CRTAC1: variants seen among roughly 807,000 people sequenced by gnomAD.
CRTAC1 encodes the protein acidic secreted protein in cartilage.
CRTAC1 carries 37 observed loss-of-function variants against 67.8 expected under a neutral mutation model. The ratio of observed to expected loss-of-function variants is 0.55; its 90% CI spans 0.42 to 0.72. CRTAC1 has a LOEUF of 0.72. Ranked by LOEUF, CRTAC1 falls within the 30% of genes least tolerant of loss-of-function variation. The probability of loss-of-function intolerance (pLI) is 0.00; values close to 1 mark genes in which losing one functional copy is unlikely to be tolerated. For synonymous variants in CRTAC1, 348 were observed against 371.0 expected, an observed-to-expected ratio of 0.94 and a Z score of 0.71; for missense variants, 780 against 931.6, an observed-to-expected ratio of 0.84 and a Z score of 2.12.
At chr10:97,929,126 GGGACACTGA>G (rs1487365625) in intron 3 of CRTAC1, among the ~76,000 whole-genome samples, 1 of 152,054 alleles carries the variant, frequency 6.6e-6, no homozygotes, top group Non-Finnish European at 1.5e-5. Flanking sequence ...GACCCAAGCA[GGGACACTGA>G]GCTTACTGGG....
intron 11 of CRTAC1, among the ~76,000 whole-genome samples, chr10:97,887,666 C>T (rs917355428): frequency 6.6e-6 from 1 of 152,254 alleles, no homozygotes; most frequent in Admixed American, 6.5e-5. Flanking sequence ...TCCTCTGCCA[C>T]TGTGTTTTGC....
intron 2 of CRTAC1, among the ~76,000 whole-genome samples, chr10:97,988,929 T>C (rs2052029085): frequency 6.6e-6 from 1 of 152,220 alleles, no homozygotes; most frequent in African/African-American, 2.4e-5. Flanking sequence ...GAGATCAGCA[T>C]TTGAATCTGT....
At chr10:98,016,136 G>C (rs936474567) in intron 1 of CRTAC1, among the ~76,000 whole-genome samples, 2 of 152,200 alleles carry the variant, frequency 1.3e-5, no homozygotes, top group Admixed American at 1.3e-4. Context: ...GAGGTGAGAA[G>C]GGGAAAGGGT....
In CRTAC1 at chr10:97,970,846, T is replaced by C. The variant is rs562427191; in HGVS notation, c.225-34480A>G. On this transcript the variant is annotated intron_variant, in intron 2 of 14. Transcript: ENST00000370597. Reference sequence around the variant, plus strand: ...GGCAGTGCTACAAGAATGTCAGTGATTGTTTGAATGAATCATTCATCTATA... The same window carrying C: ...GGCAGTGCTACAAGAATGTCAGTGACTGTTTGAATGAATCATTCATCTATA... Among the ~76,000 whole-genome samples the C allele has an allele frequency of 2.1e-4, 32 of 152,336 alleles. 1 individual carries two copies. Among genetic ancestry groups the C allele is most frequent in the Admixed American group, 2.0e-3 (30 of 15,302 alleles).
intron 1 of CRTAC1, among the ~76,000 whole-genome samples, chr10:98,024,739 T>C (rs1456228488): frequency 6.8e-6 from 1 of 147,662 alleles, no homozygotes; most frequent in Non-Finnish European, 1.5e-5. Context: ...AGAATGATTA[T>C]ATTATCCTTT....
rs892827465 is a variant in CRTAC1 at position 97,923,980 on chromosome 10, C to A, written c.422-580G>T. Among the ~76,000 whole-genome samples, 20 of 152,144 alleles carry A rather than the reference C, an allele frequency of 1.3e-4. 1 individual carries two copies. Among genetic ancestry groups the A allele is most frequent in the African/African-American group, 4.8e-4 (20 of 41,466 alleles). On this transcript the variant is annotated intron_variant, in intron 3 of 14. Coordinates refer to ENST00000370597, the MANE Select transcript of CRTAC1 (RefSeq NM_018058.7). ...GATGAGTTTGGGCAGCCCTGGGAGG[C>A]CCCTGGTCCCAGGACTGGGGAGCCC... is the stretch of plus-strand genomic sequence containing the variant.
At chr10:97,931,237 C>T (rs757411694) in intron 3 of CRTAC1, among the ~76,000 whole-genome samples, 7 of 152,156 alleles carry the variant, frequency 4.6e-5, no homozygotes, top group East Asian at 1.9e-4. Flanking sequence ...CATATTTGGT[C>T]GACACGAACT....
chr10:97,897,060 T>A, intron 8 of CRTAC1, 69 bp from the exon 9 acceptor site: 1 of 1,146,676 alleles, frequency 8.7e-7, no homozygotes, highest in Admixed American at 2.2e-5. Flanking sequence ...GCCCACCTGC[T>A]CCATTCTGTC....
chr10:97,942,561 C>G (rs1020963015), intron 2 of CRTAC1, among the ~76,000 whole-genome samples: 1 of 152,066 alleles, frequency 6.6e-6, no homozygotes, highest in Non-Finnish European at 1.5e-5. Context: ...TGAAAAAAAT[C>G]GCTTAGGGAG....
At chr10:97,931,544 C>T (rs1214174663) in intron 3 of CRTAC1, among the ~76,000 whole-genome samples, 2 of 152,156 alleles carry the variant, frequency 1.3e-5, no homozygotes, top group African/African-American at 2.4e-5. Flanking sequence ...AAATCAAATC[C>T]AAAATGCATT....
At chr10:97,902,899 G>A (rs1050703182) in intron 7 of CRTAC1, among the ~76,000 whole-genome samples, 1 of 151,986 alleles carries the variant, frequency 6.6e-6, no homozygotes. Flanking sequence ...GCTGGTCTGG[G>A]TGGGTTGAGC....
chr10:97,949,838 T>A (rs1330971299), intron 2 of CRTAC1, among the ~76,000 whole-genome samples: 1 of 152,250 alleles, frequency 6.6e-6, no homozygotes, highest in Non-Finnish European at 1.5e-5. Flanking sequence ...GCCATAGGGC[T>A]GTGCAGAGGA....
At chr10:98,011,419 G>C in intron 1 of CRTAC1, 82 bp from the exon 2 acceptor site, 2 of 1,546,632 alleles carry the variant, frequency 1.3e-6, no homozygotes, top group Non-Finnish European at 1.8e-6. Context: ...GGTAGGCCCA[G>C]AGTGCCTTTC....
intron 6 of CRTAC1, 129 bp downstream of exon 6, chr10:97,907,884 C>T: frequency 1.1e-6 from 1 of 951,116 alleles, no homozygotes; most frequent in African/African-American, 1.6e-5. Flanking sequence ...CTGTGTGGTG[C>T]AGACGATGAC....
intron 2 of CRTAC1, among the ~76,000 whole-genome samples, chr10:97,964,696 A>G (rs1382287870): frequency 6.6e-6 from 1 of 152,220 alleles, no homozygotes; most frequent in African/African-American, 2.4e-5. Context: ...TGACCTTATT[A>G]GGCCGTATAA....
intron 7 of CRTAC1, among the ~76,000 whole-genome samples, chr10:97,902,062 T>G (rs890556697): frequency 6.6e-6 from 1 of 152,184 alleles, no homozygotes; most frequent in East Asian, 1.9e-4. Context: ...CCCTTTCTCC[T>G]AGGCACCCTT....
chr10:98,005,100 A>ATTTTTTTTTTTTTTTTTTTTTTT (rs10683960), intron 2 of CRTAC1, among the ~76,000 whole-genome samples: 2 of 48,926 alleles, frequency 4.1e-5, no homozygotes, highest in Non-Finnish European at 3.5e-5. Flanking sequence ...ATATATATAT[A>ATTTTTTTTTTTTTTTTTTTTTTT]TTTTTTTTTT....
chr10:97,920,518 T>C (rs962606555), intron 4 of CRTAC1, among the ~76,000 whole-genome samples: 1 of 152,142 alleles, frequency 6.6e-6, no homozygotes, highest in Non-Finnish European at 1.5e-5. Flanking sequence ...TTTTTAAACA[T>C]CTGGCCCCAT....
chr10:97,918,357 C>G (rs2050788359), intron 4 of CRTAC1, among the ~76,000 whole-genome samples: 1 of 152,216 alleles, frequency 6.6e-6, no homozygotes. Flanking sequence ...ATTCTCTTCT[C>G]TAGTCCAAAA....
Sources: allele counts gnomAD v4.1 joint callset (sites outside exome capture counted in the v4.1 genomes callset), GRCh38; gene constraint gnomAD v4.1.1; transcripts MANE v1.5; gene names NCBI Gene and HGNC (gene_info 2026-07-23, HGNC 2026-07-21).